ADAM32: variants seen among roughly 807,000 people sequenced by gnomAD.
ADAM32 encodes the protein disintegrin and metalloproteinase domain-containing protein 32.
Under a neutral mutation model 114.9 loss-of-function variants are expected in ADAM32, and 89 were observed. That is an observed-to-expected ratio of 0.77 (90% confidence interval 0.65 to 0.92). The LOEUF is 0.92. ADAM32 is among the 40% of genes least tolerant of loss of function. The pLI, the probability that ADAM32 is intolerant of heterozygous loss-of-function variation, is 0.00. For synonymous variants in ADAM32, 285 were observed against 307.5 expected (o/e 0.93, Z 0.77); for missense variants, 870 against 932.8 (o/e 0.93, Z 0.88).
chr8:39,169,923 G>T lies in ADAM32; in HGVS notation c.841G>T (p.Asp281Tyr). 1.3e-6 allele frequency: 2 copies of T among 1,586,956 alleles called. No homozygotes were observed. Among genetic ancestry groups the T allele is most frequent in the Non-Finnish European group, 8.6e-7 (1 of 1,160,272 alleles). The stretch of plus-strand genomic sequence containing the variant: ...GTAAATTTATTTATTTAGTTATATG[G>T]ATTATCCTCGTTATTTGGGAGCAGT... ...HDIAYLLIYM[D>Y]YPRYLGAVFP... The change falls in exon 10 of 25, where the codon GAT becomes TAT. Residue 281 changes from aspartate to tyrosine, a missense_variant. Coordinates refer to ENST00000379907, the MANE Select transcript of ADAM32 (RefSeq NM_145004.7).
intron 19 of ADAM32, among the ~76,000 whole-genome samples, chr8:39,259,727 TACTC>T (rs920603288): frequency 2.0e-5 from 3 of 152,218 alleles, no homozygotes; most frequent in Non-Finnish European, 2.9e-5. Context: ...TTCCCAGTCT[TACTC>T]ACCATTCCTT....
At chr8:39,176,077 C>T (rs1453292759) in intron 10 of ADAM32, among the ~76,000 whole-genome samples, 4 of 152,036 alleles carry the variant, frequency 2.6e-5, no homozygotes. Flanking sequence ...TCTCTCTTTT[C>T]TTCTTTACTA....
intron 12 of ADAM32, among the ~76,000 whole-genome samples, chr8:39,220,650 A>G (rs1477102032): frequency 6.6e-6 from 1 of 151,604 alleles, no homozygotes; most frequent in Non-Finnish European, 1.5e-5. Context: ...TTTTATTTTT[A>G]TTCTTTATTT....
chr8:39,260,949 A>G (rs558172680), intron 19 of ADAM32, among the ~76,000 whole-genome samples: 2 of 152,172 alleles, frequency 1.3e-5, no homozygotes, highest in African/African-American at 4.8e-5. Context: ...TAAATTTTCC[A>G]AATAACAATT....
At chr8:39,235,268 C>T (rs182142057) in intron 16 of ADAM32, among the ~76,000 whole-genome samples, 3 of 152,202 alleles carry the variant, frequency 2.0e-5, no homozygotes, top group Admixed American at 6.5e-5. Context: ...CTGCCACTTA[C>T]TTGATAGATG....
intron 1 of ADAM32, among the ~76,000 whole-genome samples, chr8:39,114,319 A>G (rs549773936): frequency 6.6e-6 from 1 of 152,198 alleles, no homozygotes; most frequent in African/African-American, 2.4e-5. Context: ...TTCGCAGCAC[A>G]TTCCTGTGGT....
chr8:39,108,008 G>A, intron 1 of ADAM32, 175 bp downstream of exon 1: 1 of 840,754 alleles, frequency 1.2e-6, no homozygotes, highest in Non-Finnish European at 1.7e-6. Flanking sequence ...TCAGGGCCCA[G>A]CACCAGGGCT....
intron 7 of ADAM32, among the ~76,000 whole-genome samples, chr8:39,162,459 T>A (rs1056750955): frequency 1.3e-5 from 2 of 152,096 alleles, no homozygotes; most frequent in Non-Finnish European, 1.5e-5. Flanking sequence ...TGAATAGTGC[T>A]GCAATAAACA....
chr8:39,271,585 A>C (rs1812735247), intron 20 of ADAM32, among the ~76,000 whole-genome samples: 1 of 152,128 alleles, frequency 6.6e-6, no homozygotes, highest in Non-Finnish European at 1.5e-5. Flanking sequence ...TAAAAAACAA[A>C]TATAATCCAT....
intron 5 of ADAM32, among the ~76,000 whole-genome samples, chr8:39,150,361 T>A (rs1018616663): frequency 6.6e-6 from 1 of 152,082 alleles, no homozygotes; most frequent in East Asian, 1.9e-4. Context: ...CAGGTTTGAG[T>A]CAAAATACTG....
chr8:39,129,567 T>G (rs1802318893), intron 2 of ADAM32, among the ~76,000 whole-genome samples: 1 of 152,218 alleles, frequency 6.6e-6, no homozygotes, highest in South Asian at 2.1e-4. Flanking sequence ...ATAATTCTTT[T>G]TATATGTCAC....
intron 2 of ADAM32, among the ~76,000 whole-genome samples, chr8:39,134,791 ATT>A (rs1273048569): frequency 2.6e-5 from 4 of 152,214 alleles, no homozygotes; most frequent in African/African-American, 9.6e-5. Flanking sequence ...ACTAATAATA[ATT>A]ACTAAGTTTT....
intron 19 of ADAM32, 126 bp downstream of exon 19, chr8:39,257,469 G>A (rs1310862314): frequency 8.7e-6 from 10 of 1,154,714 alleles, no homozygotes; most frequent in Non-Finnish European, 1.2e-5. Context: ...ACATCAATAT[G>A]TCATTTAATT....
At chr8:39,140,997 A>T (rs1332988269) in intron 3 of ADAM32, among the ~76,000 whole-genome samples, 1 of 152,094 alleles carries the variant, frequency 6.6e-6, no homozygotes, top group Non-Finnish European at 1.5e-5. Context: ...TGTTTATAGT[A>T]TTCTCTGATG....
chr8:39,115,792 G>A (rs1047756106), intron 1 of ADAM32, among the ~76,000 whole-genome samples: 2 of 152,128 alleles, frequency 1.3e-5, no homozygotes, highest in African/African-American at 4.8e-5. Flanking sequence ...TGCTTTTGGA[G>A]TCTTCATCAT....
At chr8:39,249,886 A>G (rs1811175771) in intron 17 of ADAM32, among the ~76,000 whole-genome samples, 1 of 152,098 alleles carries the variant, frequency 6.6e-6, no homozygotes, top group South Asian at 2.1e-4. Context: ...TCAAAGGATT[A>G]AATATTTCAC....
chr8:39,215,911 A>G (rs1299183341), intron 12 of ADAM32, among the ~76,000 whole-genome samples: 1 of 151,982 alleles, frequency 6.6e-6, no homozygotes, highest in Non-Finnish European at 1.5e-5. Context: ...GATTCATTTT[A>G]TCTATAGTGC....
At chr8:39,133,891 T>G (rs926574480) in intron 2 of ADAM32, among the ~76,000 whole-genome samples, 1 of 152,204 alleles carries the variant, frequency 6.6e-6, no homozygotes, top group Admixed American at 6.5e-5. Context: ...CCCATGCAAC[T>G]GTGCTGTGTC....
chr8:39,136,325 C>T (rs1802801569), intron 2 of ADAM32, among the ~76,000 whole-genome samples: 1 of 152,072 alleles, frequency 6.6e-6, no homozygotes, highest in Non-Finnish European at 1.5e-5. Context: ...TGTAGAATAT[C>T]CTCTTATCCC....
Sources: gnomAD v4.1 joint callset for allele counts (sites outside exome capture counted in the v4.1 genomes callset) on GRCh38, gnomAD v4.1.1 for gene constraint, MANE v1.5 for transcripts, NCBI Gene and HGNC (gene_info 2026-07-23, HGNC 2026-07-21) for gene names.